ABCE1: variants seen among roughly 807,000 people sequenced by gnomAD.
ABCE1 encodes the protein ATP-binding cassette sub-family E member 1.
A neutral mutation model predicts 83.4 loss-of-function variants in ABCE1; 22 were observed. The observed-to-expected ratio is 0.26, with a 90% CI of 0.19 to 0.38. ABCE1 has a LOEUF of 0.38. Among genes scored for constraint, ABCE1 ranks in the 10% least tolerant of loss-of-function variants. The probability of loss-of-function intolerance (pLI) is 1.00; values close to 1 mark genes in which losing one functional copy is unlikely to be tolerated. For missense variants in ABCE1, 330 were observed against 721.9 expected, an observed-to-expected ratio of 0.46 and a Z score of 6.22; for synonymous variants, 204 against 233.7, an observed-to-expected ratio of 0.87 and a Z score of 1.16.
At chr4:145,104,147 A>T (rs2126699292) in intron 1 of ABCE1, among the ~76,000 whole-genome samples, 1 of 151,764 alleles carries the variant, frequency 6.6e-6, no homozygotes, top group East Asian at 1.9e-4. Flanking sequence ...TGTAAATGAC[A>T]TTTTTTTCTT....
chr4:145,115,361 A>G (rs1455660063), intron 9 of ABCE1, among the ~76,000 whole-genome samples: 1 of 151,994 alleles, frequency 6.6e-6, no homozygotes, highest in Non-Finnish European at 1.5e-5. Context: ...AGAGTAGAGA[A>G]GTATTCCATG....
Position 145,111,038 on chromosome 4 carries a change from T to A in ABCE1, c.684T>A (p.Ala228=), listed in dbSNP as rs1247188362. 1.2e-6 allele frequency: 2 copies of A among 1,612,472 alleles called. No homozygotes were observed. Among genetic ancestry groups the A allele is most frequent in the East Asian group, 4.5e-5 (2 of 44,784 alleles). The change falls in exon 8 of 18, where the codon GCT becomes GCA. Residue 228 remains alanine (A), a synonymous_variant. Coordinates refer to ENST00000296577, the MANE Select transcript of ABCE1 (RefSeq NM_002940.3). ...GAGAGTTGCAGAGATTTGCTTGTGC[T>A]GTCGTTTGCATACAGAAAGCTGATA... ...SGGELQRFAC[A]VVCIQKADIF... is the part of the protein sequence containing the mutation.
At chr4:145,121,593 G>A in intron 13 of ABCE1, 1 of 493,276 alleles carries the variant, frequency 2.0e-6, no homozygotes, top group Non-Finnish European at 3.6e-6. Flanking sequence ...GTCATCTTTG[G>A]CCGGGTGCAG....
At position 145,128,746 on chromosome 4, in the gene ABCE1, A is replaced by G. The variant is rs1335140883; in HGVS notation, c.*1173A>G. 1.3e-5 allele frequency: 2 copies of G among 152,212 alleles called. No individual in the cohort carries two copies. The highest frequency in any genetic ancestry group is 1.9e-4 in the East Asian group (1 of 5,202). The allele number at this position is 152,212 out of a possible 1,614,324, so 9.4% of individuals were successfully genotyped here. A position where few individuals can be genotyped will look rare whatever the true frequency, so the allele number is the denominator to read the frequency against. Reference sequence around the variant, plus strand: ...ACTAAATAAATGACTGGGGCAAGCAAAATTGAGGAGGAAATTAGAAACTGT... The same window carrying G: ...ACTAAATAAATGACTGGGGCAAGCAGAATTGAGGAGGAAATTAGAAACTGT... On this transcript the variant is annotated 3_prime_UTR_variant, in exon 18 of 18. Coordinates refer to ENST00000296577, the MANE Select transcript of ABCE1 (RefSeq NM_002940.3).
chr4:145,107,461 C>G (rs1047337671), intron 3 of ABCE1, among the ~76,000 whole-genome samples: 1 of 152,044 alleles, frequency 6.6e-6, no homozygotes, highest in Non-Finnish European at 1.5e-5. Flanking sequence ...TCTTAGCCTC[C>G]CCTCATCTAA....
rs1265500377 is a variant in ABCE1, at chr4:145,104,431, A to G, written c.19A>G (p.Arg7Gly). The change falls in exon 2 of 18, where the codon AGA (arginine) becomes GGA (glycine). Residue 7 changes from arginine to glycine, a missense_variant. Arg to Gly is a moderately radical substitution (Grantham distance 125). Transcript: ENST00000296577. The part of the protein sequence containing the change: MADKLT[R>G]IAIVNHDKCK... ...CCCAGTTATGGCAGACAAGTTAACG[A>G]GAATTGCTATTGTCAACCATGACAA... 6.2e-7 allele frequency: 1 copy of G among 1,602,358 alleles called. No homozygotes were observed. The highest frequency in any genetic ancestry group is 8.5e-7 in the Non-Finnish European group (1 of 1,174,922).
intron 16 of ABCE1, 49 bp downstream of exon 16, chr4:145,123,649 A>G (rs1749800700): frequency 6.7e-7 from 1 of 1,501,552 alleles, no homozygotes; most frequent in Non-Finnish European, 9.0e-7. Flanking sequence ...TAAATTTTCC[A>G]GTAAATAGTA....
chr4:145,099,643 A>G (rs1364113456), intron 1 of ABCE1, among the ~76,000 whole-genome samples: 1 of 152,168 alleles, frequency 6.6e-6, no homozygotes, highest in Non-Finnish European at 1.5e-5. Flanking sequence ...TAAACTTAAA[A>G]CTCTTTGAAA....
intron 5 of ABCE1, among the ~76,000 whole-genome samples, chr4:145,109,584 T>G (rs555059653): frequency 6.6e-6 from 1 of 152,328 alleles, no homozygotes; most frequent in East Asian, 1.9e-4. Context: ...TTTTGACTCA[T>G]GAATGGTAAA....
intron 2 of ABCE1, among the ~76,000 whole-genome samples, chr4:145,105,100 G>C (rs1300257314): frequency 6.6e-6 from 1 of 151,984 alleles, no homozygotes; most frequent in East Asian, 1.9e-4. Context: ...GTTGTCATCT[G>C]TTATTGTCTC....
At chr4:145,107,185 T>A (rs1749331115) in intron 3 of ABCE1, among the ~76,000 whole-genome samples, 1 of 152,116 alleles carries the variant, frequency 6.6e-6, no homozygotes, top group Non-Finnish European at 1.5e-5. Flanking sequence ...TAATGTGAAT[T>A]GACTCCGAGA....
At chr4:145,124,931 A>T in intron 16 of ABCE1, 59 bp from the exon 17 acceptor site, 6 of 1,214,766 alleles carry the variant, frequency 4.9e-6, no homozygotes, top group Non-Finnish European at 6.0e-6. Context: ...TTCCTCTCAA[A>T]AGGTAGTTAC....
At chr4:145,107,393 C>T (rs1749340182) in intron 3 of ABCE1, among the ~76,000 whole-genome samples, 1 of 152,040 alleles carries the variant, frequency 6.6e-6, no homozygotes, top group South Asian at 2.1e-4. Flanking sequence ...AGAGGGAGAA[C>T]ATCTGTTTTG....
intron 9 of ABCE1, among the ~76,000 whole-genome samples, chr4:145,116,700 C>G (rs1201124192): frequency 6.6e-6 from 1 of 151,960 alleles, no homozygotes; most frequent in Non-Finnish European, 1.5e-5. Context: ...GCCACTTAAG[C>G]TTCACATCAT....
intron 11 of ABCE1, among the ~76,000 whole-genome samples, chr4:145,120,689 A>G (rs1014630183): frequency 6.6e-6 from 1 of 152,102 alleles, no homozygotes; most frequent in African/African-American, 2.4e-5. Flanking sequence ...TTTGAATTGT[A>G]ATCTTACAGC....
chr4:145,108,313 T>C (rs1195761551), intron 4 of ABCE1, among the ~76,000 whole-genome samples: 1 of 152,202 alleles, frequency 6.6e-6, no homozygotes, highest in African/African-American at 2.4e-5. Context: ...ATGGGACTTT[T>C]TAAAGCTACT....
At chr4:145,113,773 A>G (rs532030134) in intron 9 of ABCE1, among the ~76,000 whole-genome samples, 10 of 152,326 alleles carry the variant, frequency 6.6e-5, no homozygotes, top group Admixed American at 3.3e-4. Context: ...AGACAAATCT[A>G]GAAATTAAAA....
chr4:145,104,335 A>G (rs1361595523), intron 1 of ABCE1, 51 bp from the exon 2 acceptor site: 4 of 784,932 alleles, frequency 5.1e-6, no homozygotes, highest in East Asian at 6.0e-5. Flanking sequence ...CATGTATGCA[A>G]ATTAGTTCCC....
intron 1 of ABCE1, among the ~76,000 whole-genome samples, chr4:145,100,835 C>T (rs957120516): frequency 3.3e-5 from 5 of 152,050 alleles, no homozygotes; most frequent in Non-Finnish European, 5.9e-5. Flanking sequence ...TTATAACCTA[C>T]AGGAAAATTA....
Sources: allele counts gnomAD v4.1 joint callset (sites outside exome capture counted in the v4.1 genomes callset), GRCh38; gene constraint gnomAD v4.1.1; transcripts MANE v1.5; gene names NCBI Gene and HGNC (gene_info 2026-07-23, HGNC 2026-07-21).